ZFYVE16: variants seen among roughly 807,000 people sequenced by gnomAD.
ZFYVE16 encodes zinc finger FYVE-type containing 16.
ZFYVE16 carries 89 observed loss-of-function variants against 138.1 expected under a neutral mutation model. The observed-to-expected ratio is 0.64, with a 90% confidence interval of 0.54 to 0.77. The LOEUF is 0.77. ZFYVE16 is among the 30% of genes least tolerant of loss of function. The pLI, the probability that ZFYVE16 is intolerant of heterozygous loss-of-function variation, is 0.00. For missense variants in ZFYVE16, 1,793 were observed against 1,786.7 expected, an observed-to-expected ratio of 1.00 and a Z score of -0.06; for synonymous variants, 596 against 618.3, an observed-to-expected ratio of 0.96 and a Z score of 0.53.
intron 15 of ZFYVE16, among the ~76,000 whole-genome samples, chr5:80,462,754 A>G (rs1753267114): frequency 1.3e-5 from 2 of 152,228 alleles, no homozygotes; most frequent in African/African-American, 4.8e-5. Context: ...TGTAAAATCA[A>G]GAGCAAGTTA....
intron 8 of ZFYVE16, among the ~76,000 whole-genome samples, chr5:80,449,113 C>G (rs1177304921): frequency 6.6e-6 from 1 of 151,836 alleles, no homozygotes; most frequent in Non-Finnish European, 1.5e-5. Flanking sequence ...GCATATCTTT[C>G]TATTGATTGT....
intron 15 of ZFYVE16, among the ~76,000 whole-genome samples, chr5:80,470,088 TGTGTGTGTGTGTA>T (rs1754175793): frequency 4.3e-5 from 3 of 70,358 alleles, no homozygotes; most frequent in Non-Finnish European, 6.5e-5. Flanking sequence ...TGTGTGTGTG[TGTGTGTGTGTGTA>T]TTTTTTTTTT....
chr5:80,421,701 T>C (rs1747206309), intron 1 of ZFYVE16, among the ~76,000 whole-genome samples: 1 of 152,210 alleles, frequency 6.6e-6, no homozygotes, highest in Admixed American at 6.5e-5. Context: ...ACTGTAGCCT[T>C]GTAGTATAGT....
Position 80,478,355 on chromosome 5 carries a change from G to A in ZFYVE16, c.*978G>A, listed in dbSNP as rs1213624730. 1 of 151,956 alleles carries A rather than the reference G, an allele frequency of 6.6e-6. No homozygotes were observed. Among genetic ancestry groups the A allele is most frequent in the Non-Finnish European group, 1.5e-5 (1 of 67,934 alleles). The allele number at this position is 151,956 out of a possible 1,614,324, so 9.4% of individuals were successfully genotyped here. On this transcript the variant is annotated 3_prime_UTR_variant, in exon 19 of 19. Coordinates refer to ENST00000505560, the MANE Select transcript of ZFYVE16 (RefSeq NM_001284236.3). ...TTCGCATATTTTCATTGACACCAGT[G>A]TATAAGTATAAATTTAAATGAACTA...
chr5:80,436,750 T>A lies in ZFYVE16; in HGVS notation c.71-6T>A. The A allele has an allele frequency of 2.5e-6, 4 of 1,599,444 alleles. No individual in the cohort carries two copies. Among genetic ancestry groups the A allele is most frequent in the Non-Finnish European group, 3.4e-6 (4 of 1,171,636 alleles). On this transcript the variant is annotated splice_region_variant and splice_polypyrimidine_tract_variant and intron_variant, in intron 3 of 18. Coordinates refer to ENST00000505560, the MANE Select transcript of ZFYVE16 (RefSeq NM_001284236.3). ...TCTCCCGAATAACACTGTTTCTCTA[T>A]TTCAGATGAACAAGATTATCTCCAA...
rs560726743 is a variant in ZFYVE16 at position 80,459,632 on chromosome 5, GCAC to G, written c.4024+139_4024+141del. The G allele has an allele frequency of 2.2e-3, 1,455 of 658,998 alleles. 5 individuals are homozygous for G. Among genetic ancestry groups the G allele is most frequent in the Non-Finnish European group, 2.7e-3 (1,093 of 404,524 alleles). 40.8% of individuals were successfully genotyped at this position (658,998 alleles called of 1,614,324 possible). A position where few individuals can be genotyped will look rare whatever the true frequency, so the allele number is the denominator to read the frequency against. ...CAAACTTACATGAAATCATCAACCA[GCAC>G]AAGAAGTAGAAGACTTATCTCTCTC... is the stretch of plus-strand genomic sequence containing the variant. On this transcript the variant is annotated intron_variant, in intron 15 of 18. Coordinates refer to ENST00000505560, the MANE Select transcript of ZFYVE16 (RefSeq NM_001284236.3).
intron 2 of ZFYVE16, among the ~76,000 whole-genome samples, chr5:80,431,549 A>G (rs1749026261): frequency 6.6e-6 from 1 of 152,196 alleles, no homozygotes; most frequent in African/African-American, 2.4e-5. Flanking sequence ...TGCCTTTCTC[A>G]CCACTCCTAT....
intron 1 of ZFYVE16, among the ~76,000 whole-genome samples, chr5:80,424,220 A>G (rs1339951378): frequency 6.6e-6 from 1 of 151,844 alleles, no homozygotes; most frequent in Non-Finnish European, 1.5e-5. Flanking sequence ...TTCTTTTTCA[A>G]TATATGCATT....
At chr5:80,423,454 GTTT>G (rs1386451824) in intron 1 of ZFYVE16, among the ~76,000 whole-genome samples, 1 of 152,044 alleles carries the variant, frequency 6.6e-6, no homozygotes, top group Non-Finnish European at 1.5e-5. Flanking sequence ...AAAGGAATGA[GTTT>G]TTGTTTAATT....
intron 15 of ZFYVE16, among the ~76,000 whole-genome samples, chr5:80,469,212 C>A (rs1030204652): frequency 2.6e-5 from 4 of 151,614 alleles, no homozygotes; most frequent in African/African-American, 7.3e-5. Flanking sequence ...AGGCAGTCCT[C>A]CCATCTCAGC....
intron 15 of ZFYVE16, among the ~76,000 whole-genome samples, chr5:80,471,716 C>G (rs560103574): frequency 6.6e-6 from 1 of 152,100 alleles, no homozygotes; most frequent in African/African-American, 2.4e-5. Context: ...GGCCAGATCC[C>G]GCAATAGTTA....
Position 80,477,369 on chromosome 5 carries a change from C to G in ZFYVE16, c.4612C>G (p.Leu1538Val). The part of the protein sequence containing the change: ...IELVFFIIEH[L>V]F ...ATTAGTGTTTTTCATTATAGAACATCTTTTTTAGTGAAAGAATGTGCCATA... is the reference window on the plus strand; with the variant it reads ...ATTAGTGTTTTTCATTATAGAACATGTTTTTTAGTGAAAGAATGTGCCATA... Residue 1538 changes from leucine to valine, a missense_variant, in exon 19 of 19, where the codon CTT (leucine) becomes GTT (valine). Coordinates refer to ENST00000505560, the MANE Select transcript of ZFYVE16 (RefSeq NM_001284236.3). 1 of 1,603,276 alleles carries G rather than the reference C, an allele frequency of 6.2e-7. No homozygotes were observed. Among genetic ancestry groups the G allele is most frequent in the Non-Finnish European group, 8.5e-7 (1 of 1,176,916 alleles).
intron 14 of ZFYVE16, among the ~76,000 whole-genome samples, chr5:80,458,665 C>T (rs1239902996): frequency 1.3e-5 from 2 of 152,160 alleles, no homozygotes; most frequent in South Asian, 2.1e-4. Context: ...AAAAATGCTA[C>T]AGTGAATAGT....
chr5:80,461,066 A>C (rs1227559340), intron 15 of ZFYVE16, among the ~76,000 whole-genome samples: 2 of 152,214 alleles, frequency 1.3e-5, no homozygotes, highest in Non-Finnish European at 2.9e-5. Flanking sequence ...AGGCATTCCA[A>C]ATCCAAAAAT....
chr5:80,443,723 C>A (rs898426117), intron 6 of ZFYVE16: 1 of 456,358 alleles, frequency 2.2e-6, no homozygotes, highest in African/African-American at 2.0e-5. Context: ...GGTGCTGCTG[C>A]AAAGATCCTG....
intron 1 of ZFYVE16, among the ~76,000 whole-genome samples, chr5:80,426,902 C>T (rs1748164293): frequency 6.6e-6 from 1 of 152,206 alleles, no homozygotes; most frequent in Non-Finnish European, 1.5e-5. Flanking sequence ...TCCACAGCCT[C>T]ACCAGCATCT....
chr5:80,437,510 T>C lies in ZFYVE16; in HGVS notation c.825T>C (p.Val275=). ...AGCCATGTGGATTACTAAAAGATGT[T>C]GGCTTAGTAAAAGAGGAAGTAGATG... The part of the protein sequence containing the change: ...KSQPCGLLKD[V]GLVKEEVDVA... The change falls in exon 4 of 19, where the codon GTT becomes GTC. Residue 275 remains valine, a synonymous_variant. Coordinates refer to ENST00000505560, the MANE Select transcript of ZFYVE16 (RefSeq NM_001284236.3). 6.2e-7 allele frequency: 1 copy of C among 1,613,160 alleles called. No individual in the cohort carries two copies. The highest frequency in any genetic ancestry group is 8.5e-7 in the Non-Finnish European group (1 of 1,179,780).
At chr5:80,418,722 A>C (rs906070304) in intron 1 of ZFYVE16, among the ~76,000 whole-genome samples, 2 of 152,146 alleles carry the variant, frequency 1.3e-5, no homozygotes, top group Non-Finnish European at 2.9e-5. Flanking sequence ...TTGTCTTCTT[A>C]TTCTCTTAAC....
At chr5:80,416,216 ATCAT>A (rs558652188) in intron 1 of ZFYVE16, among the ~76,000 whole-genome samples, 61 of 145,548 alleles carry the variant, frequency 4.2e-4, no homozygotes, top group African/African-American at 1.4e-3. Flanking sequence ...TATTTATTCA[ATCAT>A]TTACTTACGT....
Sources: gnomAD v4.1 joint callset for allele counts (sites outside exome capture counted in the v4.1 genomes callset) on GRCh38, gnomAD v4.1.1 for gene constraint, MANE v1.5 for transcripts, NCBI Gene and HGNC (gene_info 2026-07-23, HGNC 2026-07-21) for gene names.